The following PALLD variants were observed in gnomAD, a reference collection of about 807,000 sequenced individuals.
PALLD encodes the protein palladin.
PALLD carries 61 observed loss-of-function variants against 123.5 expected under a neutral mutation model. The observed-to-expected ratio is 0.49, with a 90% CI of 0.40 to 0.61. PALLD has a LOEUF of 0.61. PALLD is among the 20% of genes least tolerant of loss of function. The pLI is 0.00. For synonymous variants in PALLD, 465 were observed against 496.4 expected (o/e 0.94, Z 0.84); for missense variants, 1,273 against 1,377.0 (o/e 0.92, Z 1.20).
intron 13 of PALLD, among the ~76,000 whole-genome samples, chr4:168,897,013 C>G (rs1755345691): frequency 6.6e-6 from 1 of 151,856 alleles, no homozygotes; most frequent in African/African-American, 2.4e-5. Context: ...GTATTTTTAG[C>G]AGAGATGGGG....
intron 2 of PALLD, among the ~76,000 whole-genome samples, chr4:168,566,823 G>A (rs1768438031): frequency 6.6e-6 from 1 of 152,074 alleles, no homozygotes; most frequent in Admixed American, 6.5e-5. Flanking sequence ...TAAACATTGG[G>A]CTCATTTATT....
At chr4:168,643,951 T>G (rs1358811905) in intron 2 of PALLD, among the ~76,000 whole-genome samples, 1 of 152,176 alleles carries the variant, frequency 6.6e-6, no homozygotes, top group Non-Finnish European at 1.5e-5. Context: ...GTACTAACCC[T>G]GGTGTGCTGA....
At chr4:168,499,351 A>AGGGAGGG (rs1761146380) in intron 1 of PALLD, among the ~76,000 whole-genome samples, 1 of 22,486 alleles carries the variant, frequency 4.4e-5, no homozygotes, top group Non-Finnish European at 7.8e-5. Context: ...GGCAGAAGGG[A>AGGGAGGG]GGGAGGGGGG....
At chr4:168,730,404 A>T (rs62333921) in intron 10 of PALLD, among the ~76,000 whole-genome samples, 8,259 of 152,080 alleles carry the variant, frequency 0.054, 288 homozygotes, top group South Asian at 0.091. Flanking sequence ...GGAGGAGGGA[A>T]TCCTATTGTT....
intron 10 of PALLD, among the ~76,000 whole-genome samples, chr4:168,807,492 C>T (rs1740394963): frequency 6.6e-6 from 1 of 151,528 alleles, no homozygotes; most frequent in Non-Finnish European, 1.5e-5. Flanking sequence ...TCACTGCGAC[C>T]TCCGCCTCGT....
chr4:168,602,123 G>GCA (rs1481283243), intron 2 of PALLD, among the ~76,000 whole-genome samples: 2 of 152,306 alleles, frequency 1.3e-5, no homozygotes, highest in Admixed American at 1.3e-4. Flanking sequence ...GGGCAAGAGT[G>GCA]CAGGGTCACA....
chr4:168,551,585 C>A (rs768643779), intron 2 of PALLD, among the ~76,000 whole-genome samples: 43 of 151,870 alleles, frequency 2.8e-4, no homozygotes, highest in Non-Finnish European at 5.6e-4. Context: ...TAAAAACAAA[C>A]CTGGGGGTAC....
intron 10 of PALLD, among the ~76,000 whole-genome samples, chr4:168,779,699 A>G (rs756069241): frequency 2.6e-5 from 4 of 152,158 alleles, no homozygotes; most frequent in African/African-American, 4.8e-5. Flanking sequence ...GACTACAATT[A>G]TATAAAAGTT....
At chr4:168,508,819 T>G (rs73863632) in intron 1 of PALLD, among the ~76,000 whole-genome samples, 1,600 of 152,182 alleles carry the variant, frequency 0.011, 25 homozygotes, top group African/African-American at 0.037. Flanking sequence ...TCTGGATCCA[T>G]GTTACCTAAT....
intron 2 of PALLD, among the ~76,000 whole-genome samples, chr4:168,544,206 G>T (rs1765920188): frequency 6.6e-6 from 1 of 152,208 alleles, no homozygotes; most frequent in South Asian, 2.1e-4. Context: ...ATTATTAGAT[G>T]ATTTGAAATT....
In PALLD at chr4:168,511,959, TA is replaced by T; in HGVS notation, c.458del (p.Lys153SerfsTer23). ...KRGAKTPSTNVKPKTPHQRKG... is the reference protein window; with the variant it reads ...KRGAKTPSTNXKPKTPHQRKG... Reference sequence around the variant, plus strand: ...GGTGCAAAAACTCCCAGCACAAACGTAAAGCCCAAAACGCCACATCAAAGAA... The same window carrying T: ...GGTGCAAAAACTCCCAGCACAAACGTAAGCCCAAAACGCCACATCAAAGAA... On this transcript the variant is annotated frameshift_variant, in exon 2 of 22. Coordinates refer to ENST00000505667, the MANE Select transcript of PALLD (RefSeq NM_001166108.2). LOFTEE classifies it high-confidence loss of function. 6.2e-7 allele frequency: 1 copy of T among 1,614,086 alleles called. No individual in the cohort carries two copies. The highest frequency in any genetic ancestry group is 1.1e-5 in the South Asian group (1 of 91,078).
intron 10 of PALLD, among the ~76,000 whole-genome samples, chr4:168,771,439 C>T (rs1392337843): frequency 6.6e-6 from 1 of 152,172 alleles, no homozygotes; most frequent in Non-Finnish European, 1.5e-5. Flanking sequence ...CTGCAACAAG[C>T]CTTGCTCTGG....
intron 2 of PALLD, among the ~76,000 whole-genome samples, chr4:168,539,550 T>C (rs1765406787): frequency 6.6e-6 from 1 of 151,180 alleles, no homozygotes; most frequent in Admixed American, 6.6e-5. Context: ...ATGGCGCCAC[T>C]GACTGTCTCA....
chr4:168,865,583 T>A (rs1750147359), intron 10 of PALLD, among the ~76,000 whole-genome samples: 1 of 152,220 alleles, frequency 6.6e-6, no homozygotes, highest in Non-Finnish European at 1.5e-5. Flanking sequence ...AAATGTTTAG[T>A]TCTTCAGTTA....
intron 2 of PALLD, among the ~76,000 whole-genome samples, chr4:168,639,751 A>T (rs565376787): frequency 1.2e-4 from 18 of 151,982 alleles, no homozygotes; most frequent in Admixed American, 3.9e-4. Flanking sequence ...TCACCGTGTT[A>T]GCCAGGATGG....
chr4:168,756,140 T>C (rs10028395), intron 10 of PALLD: 4,460 of 177,354 alleles, frequency 0.025, 199 homozygotes, highest in African/African-American at 0.1. Flanking sequence ...AATAGCTCTA[T>C]TGTAGAAGTC....
intron 10 of PALLD, among the ~76,000 whole-genome samples, chr4:168,715,945 A>G (rs1333052832): frequency 2.6e-5 from 4 of 151,502 alleles, no homozygotes; most frequent in African/African-American, 7.3e-5. Flanking sequence ...GCGACACTCC[A>G]TCTCAAAAAA....
At chr4:168,791,058 G>A (rs1473087779) in intron 10 of PALLD, among the ~76,000 whole-genome samples, 1 of 152,056 alleles carries the variant, frequency 6.6e-6, no homozygotes, top group East Asian at 1.9e-4. Flanking sequence ...GACACCAACA[G>A]CTGGCATCCA....
At chr4:168,548,001 T>G (rs1766337050) in intron 2 of PALLD, among the ~76,000 whole-genome samples, 1 of 149,642 alleles carries the variant, frequency 6.7e-6, no homozygotes, top group Non-Finnish European at 1.5e-5. Context: ...GCCGAGAATG[T>G]GCCACTGCAT....
Sources: gnomAD v4.1 joint callset for allele counts (sites outside exome capture counted in the v4.1 genomes callset) on GRCh38, gnomAD v4.1.1 for gene constraint, MANE v1.5 for transcripts, NCBI Gene and HGNC (gene_info 2026-07-23, HGNC 2026-07-21) for gene names.